SPTBN2: variants seen among roughly 807,000 people sequenced by gnomAD.
The protein encoded by SPTBN2 is spectrin beta chain, non-erythrocytic 2.
SPTBN2 carries 107 observed loss-of-function variants against 284.2 expected under a neutral mutation model. The ratio of observed to expected loss-of-function variants is 0.38; its 90% confidence interval spans 0.32 to 0.44. SPTBN2 has a LOEUF of 0.44. Among genes scored for constraint, SPTBN2 ranks in the 20% least tolerant of loss-of-function variants. The pLI is 1.00. For missense variants in SPTBN2, 2,569 were observed against 3,287.1 expected, an observed-to-expected ratio of 0.78 and a Z score of 5.34; for synonymous variants, 1,289 against 1,354.8, an observed-to-expected ratio of 0.95 and a Z score of 1.07.
Position 66,687,785 on chromosome 11 carries a change from C to T in SPTBN2, c.6501+83G>A, listed in dbSNP as rs943406411. On this transcript the variant is annotated intron_variant, in intron 34 of 37. Transcript: ENST00000533211. The surrounding 1 kb of genome is among the most constrained non-coding windows in gnomAD (Gnocchi z 5.2). The stretch of plus-strand genomic sequence containing the variant: ...CCTCTGCCCTCTCCCATCCCATCCC[C>T]AGTACTCCCCCACCCGCACTCACCA... The T allele has an allele frequency of 8.1e-6, 13 of 1,598,604 alleles. No homozygotes were observed. The South Asian group carries it at 1.4e-4, about 18-fold the overall frequency.
chr11:66,685,339 G>C lies in SPTBN2; in HGVS notation c.*532C>G, dbSNP rs1064352. 5 of 179,972 alleles carry C rather than the reference G, an allele frequency of 2.8e-5. No homozygotes were observed. The highest frequency in any genetic ancestry group is 5.9e-5 in the Non-Finnish European group (5 of 84,262). The allele number at this position is 179,972 out of a possible 1,614,324, so 11.1% of individuals were successfully genotyped here. On this transcript the variant is annotated 3_prime_UTR_variant, in exon 38 of 38. Coordinates refer to ENST00000533211, the MANE Select transcript of SPTBN2 (RefSeq NM_006946.4). The surrounding 1 kb of genome is among the most constrained non-coding windows in gnomAD (Gnocchi z 4.4). Reference sequence around the variant, plus strand: ...ACACACCTGGAAGCCATTGAGAGCAGCTGGAGATGGAGTGGCAGCTGGAGT... The same window carrying C: ...ACACACCTGGAAGCCATTGAGAGCACCTGGAGATGGAGTGGCAGCTGGAGT...
At chr11:66,722,350 G>A (rs895302592) in intron 1 of SPTBN2, among the ~76,000 whole-genome samples, 36 of 151,960 alleles carry the variant, frequency 2.4e-4, no homozygotes, top group Admixed American at 1.9e-3. Context: ...CAAGGCGGGC[G>A]GATCACAAGG....
intron 17 of SPTBN2, 149 bp from the exon 18 acceptor site, chr11:66,699,757 A>AT: frequency 1.2e-6 from 1 of 830,540 alleles, no homozygotes; most frequent in Non-Finnish European, 2.0e-6. Flanking sequence ...GGAGGCTGCC[A>AT]GCCAGCATGG....
chr11:66,736,214 G>C (rs958402086), intron 1 of SPTBN2, among the ~76,000 whole-genome samples: 2 of 152,192 alleles, frequency 1.3e-5, no homozygotes, highest in Non-Finnish European at 2.9e-5. Context: ...GTGTAGAAAA[G>C]TGTGGGTTCT....
At position 66,707,607 on chromosome 11, in the gene SPTBN2, G is replaced by A. The variant is rs1328526523; in HGVS notation, c.1562C>T (p.Ala521Val). ...GAGGAGGAGCCGCTCCCGCCGGGCG[G>A]CCACCATCTGCCGCAAGAAGTCCCA... ...RLWDFLRQMV[A>V]ARRERLLLNL... is the part of the protein sequence containing the mutation. The change falls in exon 13 of 38, where the codon GCC (alanine) becomes GTC (valine). Residue 521 changes from alanine to valine, a missense_variant. Coordinates refer to ENST00000533211, the MANE Select transcript of SPTBN2 (RefSeq NM_006946.4). This position sits in a 1 kb window ranked among gnomAD's most constrained non-coding sequence, Gnocchi z 4.9. 6.2e-7 allele frequency: 1 copy of A among 1,611,154 alleles called. No homozygotes were observed. Among genetic ancestry groups the A allele is most frequent in the Non-Finnish European group, 8.5e-7 (1 of 1,179,994 alleles).
intron 21 of SPTBN2, among the ~76,000 whole-genome samples, 161 bp from the exon 22 acceptor site, chr11:66,694,524 T>C (rs1010934251): frequency 8.5e-5 from 13 of 152,214 alleles, no homozygotes; most frequent in African/African-American, 3.1e-4. Flanking sequence ...GATCTCGAAC[T>C]TTATATGCAC....
chr11:66,690,011 T>C (rs1395934890), intron 28 of SPTBN2, 28 bp downstream of exon 28: 1 of 1,614,064 alleles, frequency 6.2e-7, no homozygotes, highest in African/African-American at 1.3e-5. Context: ...ACACAACCCG[T>C]GGAGGCCCTG....
At chr11:66,695,877 C>T (rs566267682) in intron 21 of SPTBN2, among the ~76,000 whole-genome samples, 5 of 152,052 alleles carry the variant, frequency 3.3e-5, no homozygotes, top group African/African-American at 1.2e-4. Context: ...GCTGGGATAA[C>T]AGGCGTGCGC....
chr11:66,695,309 G>A (rs993090396), intron 21 of SPTBN2, among the ~76,000 whole-genome samples: 2 of 152,204 alleles, frequency 1.3e-5, no homozygotes, highest in African/African-American at 4.8e-5. Flanking sequence ...AGGCTGCAGT[G>A]CAGTGGCACG....
At chr11:66,694,861 T>C (rs1417414582) in intron 21 of SPTBN2, among the ~76,000 whole-genome samples, 1 of 152,152 alleles carries the variant, frequency 6.6e-6, no homozygotes, top group Admixed American at 6.6e-5. Context: ...GACACCACAA[T>C]GCCTAGCAGA....
rs762478040 is a variant in SPTBN2 at position 66,705,475 on chromosome 11, A to G, written c.1808-7T>C. 1 of 1,612,926 alleles carries G rather than the reference A, an allele frequency of 6.2e-7. No individual in the cohort carries two copies. The highest frequency in any genetic ancestry group is 8.5e-7 in the Non-Finnish European group (1 of 1,179,994). On this transcript the variant is annotated splice_region_variant and splice_polypyrimidine_tract_variant and intron_variant, in intron 14 of 37. Coordinates refer to ENST00000533211, the MANE Select transcript of SPTBN2 (RefSeq NM_006946.4). Reference sequence around the variant, plus strand: ...GGGTCGCAAGGTCTATACTCTGAGAAAGTCACAGGAGAGGGTCAGAGCCTT... The same window carrying G: ...GGGTCGCAAGGTCTATACTCTGAGAGAGTCACAGGAGAGGGTCAGAGCCTT...
intron 10 of SPTBN2, among the ~76,000 whole-genome samples, chr11:66,709,271 G>A (rs1287045516): frequency 3.9e-5 from 6 of 152,128 alleles, no homozygotes; most frequent in African/African-American, 7.2e-5. Flanking sequence ...TCTGCCTCCC[G>A]GGTTCAAGCC....
intron 16 of SPTBN2, 143 bp downstream of exon 16, chr11:66,701,440 CT>C: frequency 1.3e-6 from 2 of 1,532,768 alleles, no homozygotes; most frequent in Non-Finnish European, 1.8e-6. Flanking sequence ...CTCTTTCATC[CT>C]TTTTCCTTCC....
rs1942381183 is a variant in SPTBN2, at chr11:66,721,100, G to A, written c.141C>T (p.Arg47=). Residue 47 remains arginine, a synonymous_variant, in exon 3 of 38, where the codon CGC becomes CGT. Transcript: ENST00000533211. ...SSSARLFERS[R]IKALADEREA... ...TGACCTCACCTGCCAGAGCCTTAAT[G>A]CGAGACCTCTCAAAGAGGCGGGCCG... 6.2e-7 allele frequency: 1 copy of A among 1,614,064 alleles called. No homozygotes were observed. Among genetic ancestry groups the A allele is most frequent in the Non-Finnish European group, 8.5e-7 (1 of 1,180,034 alleles).
In SPTBN2 at chr11:66,693,523, CCT is replaced by C. The variant is rs1410721498; in HGVS notation, c.4594-79_4594-78del. On this transcript the variant is annotated intron_variant, in intron 23 of 37. Coordinates refer to ENST00000533211, the MANE Select transcript of SPTBN2 (RefSeq NM_006946.4). The surrounding 1 kb of genome is among the most constrained non-coding windows in gnomAD (Gnocchi z 5.7). ...GTGCTCCCGGAGACCACCCTTCACC[CCT>C]GTGCCTCTCTCCTTCCTGGGTCCTC... 1.4e-5 allele frequency: 22 copies of C among 1,543,558 alleles called. No homozygotes were observed. The East Asian group carries it at 2.2e-4, about 15-fold the overall frequency.
Position 66,691,162 on chromosome 11 carries a change from C to T in SPTBN2, c.5565+122G>A. On this transcript the variant is annotated intron_variant, in intron 27 of 37. Transcript: ENST00000533211. This position sits in a 1 kb window ranked among gnomAD's most constrained non-coding sequence, Gnocchi z 8.0. The stretch of plus-strand genomic sequence containing the variant: ...AGCAATTTCCTCATCTCGAAATGGC[C>T]CTCGAAAGAGTGCCGTCCTCCCAGC... The T allele has an allele frequency of 7.3e-7, 1 of 1,361,036 alleles. No individual in the cohort carries two copies. The highest frequency in any genetic ancestry group is 9.8e-7 in the Non-Finnish European group (1 of 1,024,434). The allele number at this position is 1,361,036 out of a possible 1,614,324, so 84.3% of individuals were successfully genotyped here. A position where few individuals can be genotyped will look rare whatever the true frequency, so the allele number is the denominator to read the frequency against.
At position 66,710,731 on chromosome 11, in the gene SPTBN2, C is replaced by G. The variant is rs564046722; in HGVS notation, c.924G>C (p.Glu308Asp). Reference sequence around the variant, plus strand: ...GCTCCGAGGCCAGGGACTCGTATTTCTCCACCAGGCGCTCTGCCTCCATGG... The same window carrying G: ...GCTCCGAGGCCAGGGACTCGTATTTGTCCACCAGGCGCTCTGCCTCCATGG... The part of the protein sequence containing the change: ...DHAMEAERLV[E>D]KYESLASELL... Residue 308 changes from glutamate to aspartate, a missense_variant, in exon 10 of 38, where the codon GAG becomes GAC. Glu to Asp is a conservative substitution (Grantham distance 45). This residue lies in a region of SPTBN2 where 304 missense variants were observed against 522.1 expected (regional missense o/e 0.58). Coordinates refer to ENST00000533211, the MANE Select transcript of SPTBN2 (RefSeq NM_006946.4). This position sits in a 1 kb window ranked among gnomAD's most constrained non-coding sequence, Gnocchi z 4.9. 1.5e-4 allele frequency: 239 copies of G among 1,614,172 alleles called. 1 individual carries two copies. In the East Asian group the frequency reaches 5.1e-3, roughly 34 times the overall value.
rs770289355 is a variant in SPTBN2, at chr11:66,688,171, G to A, written c.6372C>T (p.Asp2124=). The change falls in exon 32 of 38, where the codon GAC becomes GAT. Residue 2124 remains aspartate, a splice_region_variant and synonymous_variant. Coordinates refer to ENST00000533211, the MANE Select transcript of SPTBN2 (RefSeq NM_006946.4). ...GGQTASDTTW[D]GTQPRPPPST... The stretch of plus-strand genomic sequence containing the variant: ...TACCCAGGCATCCTGGCTCTCACCC[G>A]TCCCAGGTGGTGTCAGAAGCTGTCT... 9 of 1,613,444 alleles carry A rather than the reference G, an allele frequency of 5.6e-6. No individual in the cohort carries two copies. The highest frequency in any genetic ancestry group is 1.7e-5 in the Admixed American group (1 of 60,028).
chr11:66,742,612 A>G (rs900164848), intron 1 of SPTBN2, among the ~76,000 whole-genome samples: 1 of 151,488 alleles, frequency 6.6e-6, no homozygotes, highest in Non-Finnish European at 1.5e-5. Context: ...TCACAATGAT[A>G]ATTTTTTTTT....
Sources: allele counts gnomAD v4.1 joint callset (sites outside exome capture counted in the v4.1 genomes callset), GRCh38; gene constraint gnomAD v4.1.1; regional missense constraint gnomAD v4.1.1; non-coding constraint Gnocchi (gnomAD v3.1); transcripts MANE v1.5; gene names NCBI Gene and HGNC (gene_info 2026-07-23, HGNC 2026-07-21).